Variants in RUBCNL observed in about 807,000 individuals in gnomAD.
The protein encoded by RUBCNL is rubicon like autophagy enhancer.
A neutral mutation model predicts 69.5 loss-of-function variants in RUBCNL; 62 were observed. The observed-to-expected ratio is 0.89, with a 90% CI of 0.73 to 1.10. RUBCNL has a LOEUF of 1.10. Ranked by LOEUF, RUBCNL falls within the 50% of genes least tolerant of loss-of-function variation. The pLI is 0.00. For missense variants in RUBCNL, 768 were observed against 798.1 expected (o/e 0.96, Z 0.45); for synonymous variants, 291 against 303.6 (o/e 0.96, Z 0.43).
rs1313069701 is a variant in RUBCNL at position 46,341,499 on chromosome 13, A to G, written c.*1886T>C. Among the ~76,000 whole-genome samples the G allele has an allele frequency of 6.6e-6, 1 of 152,208 alleles. No individual in the cohort carries two copies. Among genetic ancestry groups the G allele is most frequent in the Admixed American group, 6.5e-5 (1 of 15,278 alleles). Reference sequence around the variant, plus strand: ...TATTTAAATGACCTCATTCTTCCTCAAAATAGAAAATCAAAAGCATCACTT... The same window carrying G: ...TATTTAAATGACCTCATTCTTCCTCGAAATAGAAAATCAAAAGCATCACTT... On this transcript the variant is annotated 3_prime_UTR_variant, in exon 15 of 15. Coordinates refer to ENST00000429979, the MANE Select transcript of RUBCNL (RefSeq NM_025113.5).
At chr13:46,368,925 CAATTCTAGAATA>C in intron 3 of RUBCNL, 110 bp from the exon 4 acceptor site, 1 of 754,522 alleles carries the variant, frequency 1.3e-6, no homozygotes, top group Non-Finnish European at 2.2e-6. Flanking sequence ...AAAATAAGCA[CAATTCTAGAATA>C]AATTCAGATG....
In RUBCNL at chr13:46,356,510, A is replaced by T. The variant is rs940037493; in HGVS notation, c.1266-14T>A. ...ACAAGGTCCCTCCTGAATACGAAAA[A>T]TAATACTAGTTACATTTCAGAGAAG... is the stretch of plus-strand genomic sequence containing the variant. On this transcript the variant is annotated splice_polypyrimidine_tract_variant and intron_variant, in intron 9 of 14. Transcript: ENST00000429979. 2 of 1,611,964 alleles carry T rather than the reference A, an allele frequency of 1.2e-6. No homozygotes were observed. The highest frequency in any genetic ancestry group is 2.7e-5 in the African/African-American group (2 of 74,854).
rs775005035 is a variant in RUBCNL at position 46,372,102 on chromosome 13, CTACTCT to C, written c.368_373del (p.Lys123_Ser124del). The C allele has an allele frequency of 8.1e-6, 13 of 1,613,870 alleles. No homozygotes were observed. In the African/African-American group the frequency reaches 1.6e-4, roughly 20 times the overall value. On this transcript the variant is annotated inframe_deletion, in exon 3 of 15. Transcript: ENST00000429979. ...CTCTGTTGAGGACAGAGAGAAGCTGCTACTCTTTTCACTCGAGCCATGGGGAGAAGC... is the reference window on the plus strand; with the variant it reads ...CTCTGTTGAGGACAGAGAGAAGCTGCTTTCACTCGAGCCATGGGGAGAAGC...
chr13:46,356,890 T>G (rs1446572711), intron 9 of RUBCNL, among the ~76,000 whole-genome samples: 1 of 149,604 alleles, frequency 6.7e-6, no homozygotes, highest in East Asian at 2.0e-4. Flanking sequence ...TGGCTTTATT[T>G]ACTTTTTTTT....
chr13:46,371,965 G>A lies in RUBCNL; in HGVS notation c.511C>T (p.His171Tyr), dbSNP rs563417605. 2 of 1,613,938 alleles carry A rather than the reference G, an allele frequency of 1.2e-6. No individual in the cohort carries two copies. The highest frequency in any genetic ancestry group is 1.7e-6 in the Non-Finnish European group (2 of 1,179,852). Residue 171 changes from histidine (H) to tyrosine (Y), a missense_variant, in exon 3 of 15, where the codon CAT (histidine) becomes TAT (tyrosine). Physicochemically the swap from His to Tyr is moderately conservative, Grantham distance 83 (BLOSUM62 2). Transcript: ENST00000429979. ...ETDSAFFEPS[H>Y]LTSAADEGAV... ...CCTTCATCAGCAGCAGATGTCAGAT[G>A]GGAAGGCTCAAAAAAAGCACTGTCA...
chr13:46,344,160 AG>A (rs1442571282), intron 14 of RUBCNL, among the ~76,000 whole-genome samples: 1 of 152,184 alleles, frequency 6.6e-6, no homozygotes, highest in Non-Finnish European at 1.5e-5. Flanking sequence ...CACTGCCTAA[AG>A]GGTTGGGGAG....
At chr13:46,366,999 T>C (rs1218299788) in intron 5 of RUBCNL, among the ~76,000 whole-genome samples, 3 of 151,978 alleles carry the variant, frequency 2.0e-5, no homozygotes, top group South Asian at 4.1e-4. Context: ...GAAGGAATAA[T>C]TGAAGGTGTA....
chr13:46,388,326 G>A (rs2049295217), upstream of RUBCNL, among the ~76,000 whole-genome samples: 1 of 146,142 alleles, frequency 6.8e-6, no homozygotes, highest in South Asian at 2.2e-4. Context: ...AGGAAGGAAG[G>A]AACCTAAGCC....
chr13:46,374,876 A>T (rs2048955311), intron 2 of RUBCNL, among the ~76,000 whole-genome samples: 1 of 152,100 alleles, frequency 6.6e-6, no homozygotes, highest in Non-Finnish European at 1.5e-5. Flanking sequence ...TCTTTCTGAA[A>T]TGCTCCTCCC....
chr13:46,368,555 C>A (rs940745135), intron 4 of RUBCNL, 178 bp downstream of exon 4: 2 of 944,092 alleles, frequency 2.1e-6, no homozygotes, highest in African/African-American at 3.6e-5. Flanking sequence ...CAGCTGAGCA[C>A]AGGCACGGCC....
chr13:46,379,551 A>C (rs1053563904), intron 1 of RUBCNL, among the ~76,000 whole-genome samples: 3 of 152,240 alleles, frequency 2.0e-5, no homozygotes, highest in Non-Finnish European at 4.4e-5. Flanking sequence ...TCACCCAAGA[A>C]AGGAAGTCAA....
At position 46,340,623 on chromosome 13, in the gene RUBCNL, G is replaced by A. The variant is rs1276916497; in HGVS notation, c.*2762C>T. On this transcript the variant is annotated 3_prime_UTR_variant, in exon 15 of 15. Transcript: ENST00000429979. ...AAGAAAAGAGGTTAATTTGGCTTAT[G>A]GTTCTGCGGGCTGTACAAGCATCGC... Among the ~76,000 whole-genome samples the A allele has an allele frequency of 6.6e-6, 1 of 152,164 alleles. No individual in the cohort carries two copies. Among genetic ancestry groups the A allele is most frequent in the African/African-American group, 2.4e-5 (1 of 41,434 alleles).
At position 46,357,282 on chromosome 13, in the gene RUBCNL, A is replaced by G. The variant is rs577394803; in HGVS notation, c.1266-786T>C. Among the ~76,000 whole-genome samples the G allele has an allele frequency of 7.3e-3, 1,092 of 150,320 alleles. 19 individuals are homozygous for G. The highest frequency in any genetic ancestry group is 0.026 in the African/African-American group (1,055 of 40,932). On this transcript the variant is annotated intron_variant, in intron 9 of 14. Coordinates refer to ENST00000429979, the MANE Select transcript of RUBCNL (RefSeq NM_025113.5). Reference sequence around the variant, plus strand: ...CGGGAGACGGAGCTTGCAGTGAGCCAAGATCGCGCCACTGCACTCCAGCCT... The same window carrying G: ...CGGGAGACGGAGCTTGCAGTGAGCCGAGATCGCGCCACTGCACTCCAGCCT...
intron 10 of RUBCNL, 83 bp downstream of exon 10, chr13:46,356,349 C>G: frequency 7.4e-7 from 1 of 1,351,712 alleles, no homozygotes. Flanking sequence ...AGGCATCTCT[C>G]ACACAAGCAA....
In RUBCNL at chr13:46,361,448, C is replaced by A; in HGVS notation, c.1112G>T (p.Gly371Val). Residue 371 changes from glycine to valine, a missense_variant, in exon 8 of 15, where the codon GGC becomes GTC. Transcript: ENST00000429979. Reference sequence around the variant, plus strand: ...ATTTTTTTTGATACTTACTATCGAGCCAGCTGCACTCAGGGAACCTGCCAG... The same window carrying A: ...ATTTTTTTTGATACTTACTATCGAGACAGCTGCACTCAGGGAACCTGCCAG... ...SQLAGSLSAA[G>V]SIVVNEECVR... 1 of 1,613,380 alleles carries A rather than the reference C, an allele frequency of 6.2e-7. No homozygotes were observed. The highest frequency in any genetic ancestry group is 8.5e-7 in the Non-Finnish European group (1 of 1,179,610).
intron 9 of RUBCNL, 35 bp downstream of exon 9, chr13:46,359,451 A>G (rs2048562581): frequency 6.3e-7 from 1 of 1,586,582 alleles, no homozygotes; most frequent in South Asian, 1.1e-5. Flanking sequence ...TGTGATTTAA[A>G]TGGATTGGAG....
At chr13:46,378,134 G>A (rs1217681737) in intron 1 of RUBCNL, 129 bp from the exon 2 acceptor site, 2 of 543,996 alleles carry the variant, frequency 3.7e-6, no homozygotes, top group Non-Finnish European at 3.2e-6. Context: ...TCTACTACAG[G>A]TCTGGCATTG....
chr13:46,371,959 T>G lies in RUBCNL; in HGVS notation c.517A>C (p.Thr173Pro). The change falls in exon 3 of 15, where the codon ACA (threonine) becomes CCA (proline). Residue 173 changes from threonine to proline, a missense_variant. Physicochemically the swap from Thr to Pro is conservative, Grantham distance 38. Transcript: ENST00000429979. ...AAATTACCTTCATCAGCAGCAGATGTCAGATGGGAAGGCTCAAAAAAAGCA... is the reference window on the plus strand; with the variant it reads ...AAATTACCTTCATCAGCAGCAGATGGCAGATGGGAAGGCTCAAAAAAAGCA... ...DSAFFEPSHL[T>P]SAADEGAVQV... 1 of 1,613,840 alleles carries G rather than the reference T, an allele frequency of 6.2e-7. No individual in the cohort carries two copies. Among genetic ancestry groups the G allele is most frequent in the Non-Finnish European group, 8.5e-7 (1 of 1,179,834 alleles).
rs2048099242 is a variant in RUBCNL at position 46,335,350 on chromosome 13, T to C, written c.*8035A>G. 6.8e-6 allele frequency among the ~76,000 whole-genome samples: 1 copy of C among 148,100 alleles called. No individual in the cohort carries two copies. The highest frequency in any genetic ancestry group is 2.5e-5 in the African/African-American group (1 of 39,950). Reference sequence around the variant, plus strand: ...AACTCCTGGGCTCAAGTCATCCTCCTGCATTGGCCTCCCAAAGTGCTGGGA... The same window carrying C: ...AACTCCTGGGCTCAAGTCATCCTCCCGCATTGGCCTCCCAAAGTGCTGGGA... On this transcript the variant is annotated 3_prime_UTR_variant, in exon 15 of 15. Transcript: ENST00000429979.
Sources: allele counts gnomAD v4.1 joint callset (sites outside exome capture counted in the v4.1 genomes callset), GRCh38; gene constraint gnomAD v4.1.1; transcripts MANE v1.5; gene names NCBI Gene and HGNC (gene_info 2026-07-23, HGNC 2026-07-21).